The following CCDC181 variants were observed in gnomAD, a reference collection of about 807,000 sequenced individuals.
CCDC181 encodes the protein coiled-coil domain-containing protein 181.
Under a neutral mutation model 58.7 loss-of-function variants are expected in CCDC181, and 35 were observed. The ratio of observed to expected loss-of-function variants is 0.60; its 90% CI spans 0.46 to 0.79. CCDC181 has a LOEUF of 0.79. Among genes scored for constraint, CCDC181 ranks in the 30% least tolerant of loss-of-function variants. The pLI is 0.00. For missense variants in CCDC181, 517 were observed against 583.9 expected (o/e 0.89, Z 1.18); for synonymous variants, 183 against 197.5 (o/e 0.93, Z 0.62).
At chr1:169,455,182 ATAT>A (rs1657651565) in intron 2 of CCDC181, among the ~76,000 whole-genome samples, 1 of 151,840 alleles carries the variant, frequency 6.6e-6, no homozygotes, top group Non-Finnish European at 1.5e-5. Flanking sequence ...AGGAAAATGA[ATAT>A]TTGGGTTTTT....
upstream of CCDC181, among the ~76,000 whole-genome samples, chr1:169,429,380 T>A (rs1440357335): frequency 6.6e-6 from 1 of 152,210 alleles, no homozygotes; most frequent in Non-Finnish European, 1.5e-5. Flanking sequence ...ATCTCCACAC[T>A]GTTTTCCATA....
chr1:169,395,014 G>A lies in CCDC181; in HGVS notation c.*33C>T. Reference sequence around the variant, plus strand: ...AGAAATCATATCCAAAATTTTGATAGCAGCTGCCCACTGAAATATTTAATA... The same window carrying A: ...AGAAATCATATCCAAAATTTTGATAACAGCTGCCCACTGAAATATTTAATA... On this transcript the variant is annotated 3_prime_UTR_variant, in exon 6 of 6. Coordinates refer to ENST00000367806, the MANE Select transcript of CCDC181 (RefSeq NM_001300969.2). The A allele has an allele frequency of 9.1e-6, 14 of 1,537,422 alleles. No individual in the cohort carries two copies. The highest frequency in any genetic ancestry group is 2.4e-5 in the East Asian group (1 of 42,500).
At chr1:169,425,609 T>C (rs1427574553) in intron 1 of CCDC181, among the ~76,000 whole-genome samples, 1 of 152,106 alleles carries the variant, frequency 6.6e-6, no homozygotes, top group South Asian at 2.1e-4. Context: ...ACAAGCTAAA[T>C]TGCTTAAGCT....
intron 2 of CCDC181, among the ~76,000 whole-genome samples, chr1:169,432,749 G>A (rs1656954339): frequency 6.6e-6 from 1 of 152,016 alleles, no homozygotes; most frequent in Non-Finnish European, 1.5e-5. Context: ...GAGAAAAACT[G>A]AATGATCATT....
At chr1:169,395,837 G>C (rs1654992090) in intron 5 of CCDC181, 1 of 149,562 alleles carries the variant, frequency 6.7e-6, no homozygotes, top group African/African-American at 2.5e-5. Flanking sequence ...GTTTGTGTGT[G>C]TGTGTGTGTG....
chr1:169,433,842 A>G (rs1390968453), intron 2 of CCDC181, among the ~76,000 whole-genome samples: 2 of 152,078 alleles, frequency 1.3e-5, no homozygotes, highest in East Asian at 3.8e-4. Context: ...ACAGAGCAAT[A>G]GCTTTGCCAC....
rs1452012069 is a variant in CCDC181, at chr1:169,396,216, A to G, written c.1371-1010T>C. On this transcript the variant is annotated intron_variant, in intron 5 of 5. Coordinates refer to ENST00000367806, the MANE Select transcript of CCDC181 (RefSeq NM_001300969.2). ...AACTTGAAACCGCTCCATTTCTACA[A>G]TGCACATTTACTGTTTCTGTTATAA... is the stretch of plus-strand genomic sequence containing the variant. The G allele has an allele frequency of 2.6e-5, 4 of 152,158 alleles. No homozygotes were observed. In the East Asian group the frequency reaches 7.7e-4, roughly 29 times the overall value. The allele number at this position is 152,158 out of a possible 1,614,324, so 9.4% of individuals were successfully genotyped here. A position where few individuals can be genotyped will look rare whatever the true frequency, so the allele number is the denominator to read the frequency against.
intron 1 of CCDC181, among the ~76,000 whole-genome samples, chr1:169,426,238 C>G (rs904754671): frequency 6.6e-6 from 1 of 152,142 alleles, no homozygotes; most frequent in Non-Finnish European, 1.5e-5. Context: ...TTTTCAAATG[C>G]GTCACAGGAT....
intron 2 of CCDC181, among the ~76,000 whole-genome samples, chr1:169,434,901 G>C (rs1657013973): frequency 6.6e-6 from 1 of 152,054 alleles, no homozygotes; most frequent in Admixed American, 6.6e-5. Flanking sequence ...CAAAATCTTA[G>C]AGACAGAAAG....
intron 3 of CCDC181, among the ~76,000 whole-genome samples, chr1:169,419,416 C>T (rs1571489965): frequency 6.6e-6 from 1 of 152,048 alleles, no homozygotes; most frequent in East Asian, 1.9e-4. Flanking sequence ...CCCATCTCTA[C>T]CCAAAATACA....
chr1:169,427,631 G>T (rs368211255), upstream of CCDC181, among the ~76,000 whole-genome samples: 15 of 152,344 alleles, frequency 9.8e-5, no homozygotes, highest in South Asian at 3.1e-3. Context: ...GCGAAGTGCC[G>T]CTGTGTTGGT....
chr1:169,395,081 G>T lies in CCDC181; in HGVS notation c.1496C>A (p.Ala499Asp). The T allele has an allele frequency of 1.2e-6, 2 of 1,608,384 alleles. No homozygotes were observed. Among genetic ancestry groups the T allele is most frequent in the Non-Finnish European group, 8.5e-7 (1 of 1,177,802 alleles). ...QLQHHLYMSE[A>D]KPFRFTDHYN ...ATGATCAGTAAAACGAAAAGGTTTG[G>T]CTTCTGACATATATAGGTGGTGCTG... Residue 499 changes from alanine (A) to aspartate (D), a missense_variant, in exon 6 of 6, where the codon GCC (alanine) becomes GAC (aspartate). Transcript: ENST00000367806.
At chr1:169,436,595 T>C (rs557298442) in intron 2 of CCDC181, among the ~76,000 whole-genome samples, 7 of 152,308 alleles carry the variant, frequency 4.6e-5, no homozygotes, top group Non-Finnish European at 8.8e-5. Flanking sequence ...AAAGAAAATT[T>C]TTTTGTCTCT....
At chr1:169,441,511 T>A (rs1169358312) in intron 2 of CCDC181, among the ~76,000 whole-genome samples, 1 of 152,074 alleles carries the variant, frequency 6.6e-6, no homozygotes, top group Non-Finnish European at 1.5e-5. Context: ...CAGTTCTAGG[T>A]ACCCTCTCCC....
chr1:169,434,017 G>A (rs1023441584), intron 2 of CCDC181, among the ~76,000 whole-genome samples: 2 of 151,918 alleles, frequency 1.3e-5, no homozygotes, highest in African/African-American at 2.4e-5. Context: ...GAAAATATTC[G>A]CAAATGATAT....
At chr1:169,433,920 G>A (rs1306702346) in intron 2 of CCDC181, among the ~76,000 whole-genome samples, 1 of 152,020 alleles carries the variant, frequency 6.6e-6, no homozygotes, top group African/African-American at 2.4e-5. Context: ...AAATTGGACT[G>A]CACAAATATT....
At chr1:169,452,268 G>A (rs947739490) in intron 2 of CCDC181, among the ~76,000 whole-genome samples, 1 of 152,068 alleles carries the variant, frequency 6.6e-6, no homozygotes, top group African/African-American at 2.4e-5. Context: ...AGAAGCCATA[G>A]GAAGAACATG....
intron 2 of CCDC181, among the ~76,000 whole-genome samples, chr1:169,455,567 T>G (rs965463126): frequency 5.9e-5 from 9 of 152,148 alleles, no homozygotes; most frequent in Non-Finnish European, 1.0e-4. Flanking sequence ...TATTTGTTTT[T>G]AAAGCAAGAA....
chr1:169,436,233 G>A (rs1257531739), intron 2 of CCDC181, among the ~76,000 whole-genome samples: 1 of 151,596 alleles, frequency 6.6e-6, no homozygotes, highest in Non-Finnish European at 1.5e-5. Flanking sequence ...AAAAAAAAAT[G>A]CTTTTAAAGA....
Sources: gnomAD v4.1 joint callset for allele counts (sites outside exome capture counted in the v4.1 genomes callset) on GRCh38, gnomAD v4.1.1 for gene constraint, MANE v1.5 for transcripts, NCBI Gene and HGNC (gene_info 2026-07-23, HGNC 2026-07-21) for gene names.